Variants in UPRT observed in about 807,000 individuals in gnomAD.
UPRT encodes the protein uracil phosphoribosyltransferase homolog.
UPRT carries 5 observed loss-of-function variants against 22.6 expected under a neutral mutation model. The observed-to-expected ratio is 0.22, with a 90% CI of 0.12 to 0.47. The LOEUF (loss-of-function observed/expected upper bound fraction) is 0.47. UPRT is among the 20% of genes least tolerant of loss of function. The pLI, the probability that UPRT is intolerant of heterozygous loss-of-function variation, is 0.99. For synonymous variants in UPRT, 77 were observed against 87.7 expected (o/e 0.88, Z 0.68); for missense variants, 181 against 239.9 (o/e 0.75, Z 1.62).
In UPRT at chrX:75,199,058, G is replaced by A. The variant is rs142666697; in HGVS notation, c.-447+31179G>A. On this transcript the variant is annotated intron_variant, in intron 4 of 13. Coordinates refer to the UPRT transcript ENST00000652605. ...TTTACAGCAAACCTCACCACCATGG[G>A]CTAAAGTGCTCTGGGGCTCTAAATA... 6.6e-3 allele frequency among the ~76,000 whole-genome samples: 737 copies of A among 111,892 alleles called. 11 individuals carry two copies. The highest frequency in any genetic ancestry group is 0.023 in the African/African-American group (698 of 30,824).
At chrX:75,262,623 C>T (rs2082572637) in intron 4 of UPRT, among the ~76,000 whole-genome samples, 1 of 110,404 alleles carries the variant, frequency 9.1e-6, no homozygotes, top group South Asian at 3.8e-4. Context: ...AACAAACAAA[C>T]AAACAAACAA....
intron 4 of UPRT, among the ~76,000 whole-genome samples, chrX:75,254,186 T>C (rs890900723): frequency 3.0e-4 from 33 of 111,037 alleles, no homozygotes; most frequent in Non-Finnish European, 5.1e-4. Flanking sequence ...CAAGAAGAAA[T>C]CCCTGATTTG....
At chrX:75,186,822 T>C (rs2082294016) in intron 4 of UPRT, among the ~76,000 whole-genome samples, 1 of 111,716 alleles carries the variant, frequency 9.0e-6, no homozygotes, top group African/African-American at 3.3e-5. Context: ...AAAGTCTGTT[T>C]TATCAGAGAC....
chrX:75,260,308 G>T (rs1304488712), intron 4 of UPRT, among the ~76,000 whole-genome samples: 1 of 112,134 alleles, frequency 8.9e-6, no homozygotes, highest in African/African-American at 3.2e-5. Flanking sequence ...ACACAGACTG[G>T]CAAATTGGAT....
intron 4 of UPRT, among the ~76,000 whole-genome samples, chrX:75,204,903 G>C (rs2082359236): frequency 9.0e-6 from 1 of 110,764 alleles, no homozygotes; most frequent in Non-Finnish European, 1.9e-5. Flanking sequence ...TGTGGGTGGG[G>C]ACTTAGAGTA....
rs181401197 is a variant in UPRT, at chrX:75,165,097, G to C, written c.-521+1872G>C. Among the ~76,000 whole-genome samples the C allele has an allele frequency of 5.5e-3, 598 of 108,115 alleles. 4 individuals carry two copies. The highest frequency in any genetic ancestry group is 0.019 in the African/African-American group (562 of 29,627). The allele number at this position is 108,115 out of a possible 115,157, so 93.9% of individuals were successfully genotyped here. A position where few individuals can be genotyped will look rare whatever the true frequency, so the allele number is the denominator to read the frequency against. ...CCCAATATATTAATCCCAATAGCTG[G>C]GTATAATTTCTATATTTCCAAGACT... On this transcript the variant is annotated intron_variant, in intron 3 of 13. Coordinates refer to the UPRT transcript ENST00000652605.
At chrX:75,178,010 T>C (rs1185183253) in intron 4 of UPRT, among the ~76,000 whole-genome samples, 1 of 112,341 alleles carries the variant, frequency 8.9e-6, no homozygotes, top group African/African-American at 3.2e-5. Context: ...GAGTCTCGCT[T>C]GGGCGACATG....
At chrX:75,259,905 C>T (rs750235919) in intron 4 of UPRT, among the ~76,000 whole-genome samples, 4 of 112,132 alleles carry the variant, frequency 3.6e-5, no homozygotes, top group African/African-American at 1.3e-4. Context: ...AATAGCAGAT[C>T]TCTCTGCAGG....
chrX:75,160,776 G>T (rs1289824098), intron 2 of UPRT, among the ~76,000 whole-genome samples: 1 of 112,163 alleles, frequency 8.9e-6, no homozygotes, highest in Non-Finnish European at 1.9e-5. Context: ...TGATCCTCTT[G>T]CCTCAGCTTC....
intron 4 of UPRT, among the ~76,000 whole-genome samples, chrX:75,246,248 TC>T (rs1204760815): frequency 3.0e-5 from 2 of 66,751 alleles, no homozygotes; most frequent in African/African-American, 1.1e-4. Flanking sequence ...AAGCTATCCC[TC>T]CCCCCTCCCC....
At chrX:75,296,446 A>G in intron 3 of UPRT, 35 bp downstream of exon 3, 1 of 1,147,626 alleles carries the variant, frequency 8.7e-7, no homozygotes. Flanking sequence ...TTTTCCTCAT[A>G]AAAATTCTGA....
intron 4 of UPRT, among the ~76,000 whole-genome samples, chrX:75,191,456 C>T (rs899066920): frequency 3.9e-5 from 3 of 77,451 alleles, no homozygotes; most frequent in South Asian, 7.6e-4. Flanking sequence ...TCTGTCTGTT[C>T]TCAGATCTCA....
At chrX:75,275,825 T>G (rs2082628941) in intron 1 of UPRT, among the ~76,000 whole-genome samples, 1 of 111,329 alleles carries the variant, frequency 9.0e-6, no homozygotes, top group African/African-American at 3.3e-5. Flanking sequence ...TCCTCCTGCC[T>G]TAGCCTCCTG....
intron 1 of UPRT, chrX:75,156,728 C>G (rs761218275): frequency 3.0e-6 from 1 of 330,911 alleles, no homozygotes; most frequent in South Asian, 2.6e-5. Context: ...TCTTCACTCC[C>G]TTCTGAATTA....
At chrX:75,264,359 AG>A (rs1272851370) in intron 4 of UPRT, among the ~76,000 whole-genome samples, 1 of 111,318 alleles carries the variant, frequency 9.0e-6, no homozygotes, top group African/African-American at 3.3e-5. Flanking sequence ...TGGGTGTCTA[AG>A]TCTCTTTGTA....
At chrX:75,228,613 A>G (rs1365439380) in intron 4 of UPRT, among the ~76,000 whole-genome samples, 1 of 111,320 alleles carries the variant, frequency 9.0e-6, no homozygotes, top group Non-Finnish European at 1.9e-5. Context: ...TTCTTTTTTT[A>G]TATATCCTCC....
chrX:75,272,345 C>T (rs76288830), upstream of UPRT, among the ~76,000 whole-genome samples: 62 of 78,217 alleles, frequency 7.9e-4, no homozygotes, highest in African/African-American at 3.4e-3. Flanking sequence ...TATATATATA[C>T]ACATATATAT....
chrX:75,297,758 C>G, intron 4 of UPRT: 1 of 416,798 alleles, frequency 2.4e-6, no homozygotes, highest in East Asian at 3.9e-5. Context: ...AGCGTATTCC[C>G]TAATAGAGTG....
intron 4 of UPRT, among the ~76,000 whole-genome samples, chrX:75,187,938 A>T (rs1473081807): frequency 6.3e-5 from 7 of 111,329 alleles, no homozygotes; most frequent in African/African-American, 2.3e-4. Context: ...ATTTTTTTCA[A>T]AGTTTTCAAC....
Sources: allele counts gnomAD v4.1 joint callset (sites outside exome capture counted in the v4.1 genomes callset), GRCh38; gene constraint gnomAD v4.1.1; transcripts MANE v1.5; gene names NCBI Gene and HGNC (gene_info 2026-07-23, HGNC 2026-07-21).